Variants in STK31 observed in about 807,000 individuals in gnomAD.
STK31 encodes the protein serine/threonine kinase 31.
Under a neutral mutation model 129.7 loss-of-function variants are expected in STK31, and 89 were observed. That is an observed-to-expected ratio of 0.69 (90% CI 0.58 to 0.82). The LOEUF (loss-of-function observed/expected upper bound fraction) is 0.82. Ranked by LOEUF, STK31 falls within the 40% of genes least tolerant of loss-of-function variation. The pLI is 0.00. For missense variants in STK31, 1,187 were observed against 1,176.4 expected (o/e 1.01, Z -0.13); for synonymous variants, 448 against 395.3 (o/e 1.13, Z -1.58).
At chr7:23,724,786 C>G (rs1397607510) in intron 4 of STK31, among the ~76,000 whole-genome samples, 1 of 152,014 alleles carries the variant, frequency 6.6e-6, no homozygotes, top group Non-Finnish European at 1.5e-5. Context: ...CTGAAGAAAC[C>G]GGAGTTAATT....
At position 23,762,937 on chromosome 7, in the gene STK31, ATATAT is replaced by A. The variant is rs1554290025; in HGVS notation, c.1416+17_1416+21del. The A allele has an allele frequency of 6.5e-7, 1 of 1,527,366 alleles. No individual in the cohort carries two copies. 94.6% of individuals were successfully genotyped at this position (1,527,366 alleles called of 1,614,324 possible). A position where few individuals can be genotyped will look rare whatever the true frequency, so the allele number is the denominator to read the frequency against. On this transcript the variant is annotated intron_variant, in intron 11 of 23. Transcript: ENST00000355870. ...AAAACATTGCAGGTTGGAATTAAAA[ATATAT>A]TAAATATACGTTAAATTGTAAGTTT...
intron 10 of STK31, among the ~76,000 whole-genome samples, chr7:23,756,513 G>A (rs1276448409): frequency 2.0e-5 from 3 of 152,148 alleles, no homozygotes; most frequent in Non-Finnish European, 4.4e-5. Flanking sequence ...TTGCCCTGTC[G>A]AGAACTTCCA....
intron 22 of STK31, among the ~76,000 whole-genome samples, chr7:23,798,301 A>T (rs1374917421): frequency 6.6e-6 from 1 of 152,182 alleles, no homozygotes; most frequent in Non-Finnish European, 1.5e-5. Flanking sequence ...CAACAAAAAA[A>T]GAAAATTTCA....
chr7:23,788,021 T>C lies in STK31; in HGVS notation c.2529T>C (p.His843=), dbSNP rs754735117. 1.2e-5 allele frequency: 19 copies of C among 1,610,376 alleles called. 1 individual carries two copies. The South Asian group carries it at 2.1e-4, about 18-fold the overall frequency. The change falls in exon 21 of 24, where the codon CAT becomes CAC. Residue 843 remains histidine, a synonymous_variant. Coordinates refer to ENST00000355870, the MANE Select transcript of STK31 (RefSeq NM_031414.5). ...KVMKGVAQGL[H]TLHKADIIHG... is the part of the protein sequence containing the mutation. ...TGAAAGGTGTTGCCCAGGGTCTGCA[T>C]ACATTGCATAAGGCTGACATAATTC...
At position 23,740,784 on chromosome 7, in the gene STK31, T is replaced by C. The variant is rs1036334011; in HGVS notation, c.1017+3706T>C. On this transcript the variant is annotated intron_variant, in intron 8 of 23. Coordinates refer to ENST00000355870, the MANE Select transcript of STK31 (RefSeq NM_031414.5). Reference sequence around the variant, plus strand: ...CCTTGCGATAGTTTGCTGAGAATGATGGTTTCCAGCTTCATCCATGTCCCT... The same window carrying C: ...CCTTGCGATAGTTTGCTGAGAATGACGGTTTCCAGCTTCATCCATGTCCCT... 5.3e-5 allele frequency among the ~76,000 whole-genome samples: 8 copies of C among 152,184 alleles called. No homozygotes were observed. In the South Asian group the frequency reaches 6.2e-4, roughly 12 times the overall value.
intron 22 of STK31, chr7:23,791,366 T>C: frequency 1.0e-6 from 1 of 954,442 alleles, no homozygotes; most frequent in Non-Finnish European, 1.2e-6. Flanking sequence ...GCGAATTTAC[T>C]GTGGATCAGA....
intron 13 of STK31, among the ~76,000 whole-genome samples, chr7:23,770,155 G>A (rs900825596): frequency 6.6e-6 from 1 of 152,114 alleles, no homozygotes; most frequent in Non-Finnish European, 1.5e-5. Context: ...CACACAAGAT[G>A]GAGTGGTCAT....
chr7:23,818,709 C>T (rs1793610342), intron 23 of STK31, among the ~76,000 whole-genome samples: 1 of 151,700 alleles, frequency 6.6e-6, no homozygotes, highest in South Asian at 2.1e-4. Context: ...ACTGCAGCCT[C>T]TGCCTCCCAG....
chr7:23,784,895 C>T (rs546298613), intron 17 of STK31, among the ~76,000 whole-genome samples: 50 of 152,258 alleles, frequency 3.3e-4, no homozygotes, highest in Non-Finnish European at 1.2e-4. Context: ...GTTAGAATTA[C>T]TTCATGGTAG....
chr7:23,724,966 A>G (rs1444571386), intron 4 of STK31, among the ~76,000 whole-genome samples: 1 of 152,230 alleles, frequency 6.6e-6, no homozygotes, highest in Non-Finnish European at 1.5e-5. Flanking sequence ...AATTAATTTT[A>G]TAATCCATAA....
intron 5 of STK31, 159 bp downstream of exon 5, chr7:23,727,474 TTTATAATC>T: frequency 1.6e-6 from 1 of 620,806 alleles, no homozygotes; most frequent in South Asian, 2.0e-5. Context: ...AACATGTTGT[TTTATAATC>T]ACCTCAGATT....
At chr7:23,745,717 G>C (rs1788310351) in intron 8 of STK31, among the ~76,000 whole-genome samples, 1 of 152,192 alleles carries the variant, frequency 6.6e-6, no homozygotes, top group African/African-American at 2.4e-5. Context: ...TCTGCTGGTG[G>C]GGTTGGGGTT....
intron 8 of STK31, among the ~76,000 whole-genome samples, chr7:23,750,680 T>C (rs1456986850): frequency 6.6e-6 from 1 of 152,248 alleles, no homozygotes; most frequent in African/African-American, 2.4e-5. Context: ...AACCATGAGC[T>C]ACTTAGAAGC....
chr7:23,739,903 A>G (rs1189134654), intron 8 of STK31, among the ~76,000 whole-genome samples: 1 of 152,204 alleles, frequency 6.6e-6, no homozygotes, highest in Non-Finnish European at 1.5e-5. Flanking sequence ...GAAGTCAGAT[A>G]GCGTGATGTC....
chr7:23,805,179 G>A (rs1051988910), intron 22 of STK31, among the ~76,000 whole-genome samples: 13 of 151,698 alleles, frequency 8.6e-5, no homozygotes, highest in African/African-American at 3.2e-4. Flanking sequence ...AGGTTCAAGC[G>A]ATTCTCCTGT....
At chr7:23,768,566 G>C (rs1213879708) in intron 11 of STK31, among the ~76,000 whole-genome samples, 2 of 152,120 alleles carry the variant, frequency 1.3e-5, no homozygotes, top group African/African-American at 4.8e-5. Context: ...GGTGATTAGG[G>C]GTGGAGAGTG....
chr7:23,783,912 C>T (rs1390000585), intron 17 of STK31, among the ~76,000 whole-genome samples: 1 of 152,152 alleles, frequency 6.6e-6, no homozygotes, highest in Non-Finnish European at 1.5e-5. Context: ...TTGCATGACA[C>T]TTATTTGAAT....
chr7:23,788,825 C>G (rs892830730), intron 21 of STK31, among the ~76,000 whole-genome samples: 1 of 152,108 alleles, frequency 6.6e-6, no homozygotes, highest in Admixed American at 6.5e-5. Flanking sequence ...TATTGAGATA[C>G]AATTCACATA....
intron 22 of STK31, chr7:23,791,352 C>T: frequency 1.0e-6 from 1 of 976,436 alleles, no homozygotes; most frequent in African/African-American, 1.8e-5. Context: ...GACCATTATC[C>T]TAAGCGAATT....
Sources: gnomAD v4.1 joint callset for allele counts (sites outside exome capture counted in the v4.1 genomes callset) on GRCh38, gnomAD v4.1.1 for gene constraint, MANE v1.5 for transcripts, NCBI Gene and HGNC (gene_info 2026-07-23, HGNC 2026-07-21) for gene names.